Variants in OR5V1 observed in about 807,000 individuals in gnomAD.
The protein encoded by OR5V1 is olfactory receptor 5V1.
For missense variants in OR5V1, 365 were observed against 371.5 expected, an observed-to-expected ratio of 0.98 and a Z score of 0.14; for synonymous variants, 134 against 143.2, an observed-to-expected ratio of 0.94 and a Z score of 0.46.
In OR5V1 at chr6:29,354,306, T is replaced by A. The variant is rs1283747221; in HGVS notation, c.*924A>T. 6.6e-6 allele frequency: 1 copy of A among 152,132 alleles called. No homozygotes were observed. The highest frequency in any genetic ancestry group is 1.5e-5 in the Non-Finnish European group (1 of 67,982). The allele number at this position is 152,132 out of a possible 1,614,324, so 9.4% of individuals were successfully genotyped here. On this transcript the variant is annotated 3_prime_UTR_variant, in exon 2 of 2. Coordinates refer to ENST00000641768, the MANE Select transcript of OR5V1 (RefSeq NM_030876.6). Reference sequence around the variant, plus strand: ...TATTTCTCTCTTCCACCACTTAGTCTTCCTTCCCATTTGTCTTGACTTCAT... The same window carrying A: ...TATTTCTCTCTTCCACCACTTAGTCATCCTTCCCATTTGTCTTGACTTCAT...
chr6:29,363,901 T>C (rs1248728403), intron 1 of OR5V1, among the ~76,000 whole-genome samples: 3 of 152,296 alleles, frequency 2.0e-5, no homozygotes, highest in Non-Finnish European at 2.9e-5. Context: ...AAGGATGCCC[T>C]CTCTCACCAC....
At chr6:29,368,190 C>T (rs1397075554) in intron 1 of OR5V1, among the ~76,000 whole-genome samples, 2 of 152,158 alleles carry the variant, frequency 1.3e-5, no homozygotes, top group Non-Finnish European at 2.9e-5. Flanking sequence ...ACGTGAAAAT[C>T]AGTGTGGCTA....
intron 1 of OR5V1, among the ~76,000 whole-genome samples, chr6:29,357,534 A>G (rs1209370685): frequency 6.6e-6 from 1 of 152,166 alleles, no homozygotes; most frequent in Non-Finnish European, 1.5e-5. Context: ...ACTGGTTACA[A>G]ATTGTTATGA....
At position 29,355,343 on chromosome 6, in the gene OR5V1, G is replaced by A; in HGVS notation, c.853C>T (p.Leu285=). ...CTCAATGTGTAAATTATAGGGTTTA[G>A]CATGGGGGTAACAACACTGTACAAC... The part of the protein sequence containing the change: ...SVLYSVVTPM[L]NPIIYTLRNK... Residue 285 remains leucine, a synonymous_variant, in exon 2 of 2, where the codon CTA becomes TTA. Coordinates refer to ENST00000641768, the MANE Select transcript of OR5V1 (RefSeq NM_030876.6). 1 of 1,613,966 alleles carries A rather than the reference G, an allele frequency of 6.2e-7. No homozygotes were observed. Among genetic ancestry groups the A allele is most frequent in the Non-Finnish European group, 8.5e-7 (1 of 1,179,880 alleles).
chr6:29,361,331 G>C (rs1190792800), intron 1 of OR5V1, among the ~76,000 whole-genome samples: 1 of 152,112 alleles, frequency 6.6e-6, no homozygotes, highest in Non-Finnish European at 1.5e-5. Flanking sequence ...GTAACATGGA[G>C]AATGAGACCA....
Position 29,355,666 on chromosome 6 carries a change from A to C in OR5V1, c.530T>G (p.Phe177Cys). ...CAGCAAAGGGGGGATGTCACAGAAG[A>C]AGTAATTAATCTGATTGTTGCCACA... ...PFCGNNQINY[F>C]FCDIPPLLIL... Residue 177 changes from phenylalanine to cysteine, a missense_variant, in exon 2 of 2, where the codon TTC (phenylalanine) becomes TGC (cysteine). By Grantham distance (205) the Phe-to-Cys change is radical. Coordinates refer to ENST00000641768, the MANE Select transcript of OR5V1 (RefSeq NM_030876.6). 1 of 1,614,056 alleles carries C rather than the reference A, an allele frequency of 6.2e-7. No homozygotes were observed. The highest frequency in any genetic ancestry group is 8.5e-7 in the Non-Finnish European group (1 of 1,179,940).
At chr6:29,360,779 A>G (rs1017733487) in intron 1 of OR5V1, among the ~76,000 whole-genome samples, 2 of 152,200 alleles carry the variant, frequency 1.3e-5, no homozygotes, top group Non-Finnish European at 2.9e-5. Context: ...AAGGTCATCA[A>G]CCTCAAAGAT....
At chr6:29,368,246 T>C (rs1778954087) in intron 1 of OR5V1, among the ~76,000 whole-genome samples, 1 of 152,226 alleles carries the variant, frequency 6.6e-6, no homozygotes, top group Non-Finnish European at 1.5e-5. Context: ...TAGATCCACA[T>C]GAAAGATGGT....
rs1271937497 is a variant in OR5V1, at chr6:29,353,839, G to A, written c.*1391C>T. 6.6e-6 allele frequency: 1 copy of A among 152,042 alleles called. No individual in the cohort carries two copies. The highest frequency in any genetic ancestry group is 2.4e-5 in the African/African-American group (1 of 41,444). 9.4% of individuals were successfully genotyped at this position (152,042 alleles called of 1,614,324 possible). On this transcript the variant is annotated 3_prime_UTR_variant, in exon 2 of 2. Coordinates refer to ENST00000641768, the MANE Select transcript of OR5V1 (RefSeq NM_030876.6). ...AAGTAGGTAGTACTTAGATTTTATA[G>A]ACAGTGGTTACAAATATATTTAGTT...
chr6:29,355,592 T>A lies in OR5V1; in HGVS notation c.604A>T (p.Thr202Ser), dbSNP rs1320696239. 6.2e-7 allele frequency: 1 copy of A among 1,613,818 alleles called. No individual in the cohort carries two copies. The highest frequency in any genetic ancestry group is 2.2e-5 in the East Asian group (1 of 44,890). ...GGAGTCCAACCAATGAAGACCCCAG[T>A]GGATAGCAGTGCCAACTCATTGACA... ...TSVNELALLS[T>S]GVFIGWTPFL... Residue 202 changes from threonine (T) to serine (S), a missense_variant, in exon 2 of 2, where the codon ACT (threonine) becomes TCT (serine). By Grantham distance (58) the Thr-to-Ser change is moderately conservative (BLOSUM62 1). Coordinates refer to ENST00000641768, the MANE Select transcript of OR5V1 (RefSeq NM_030876.6).
chr6:29,359,390 T>G (rs1413236620), intron 1 of OR5V1, among the ~76,000 whole-genome samples: 1 of 152,148 alleles, frequency 6.6e-6, no homozygotes, highest in Non-Finnish European at 1.5e-5. Flanking sequence ...GTTATTGGGT[T>G]TTACATTTCA....
At chr6:29,366,618 A>C (rs983488332) in intron 1 of OR5V1, among the ~76,000 whole-genome samples, 2 of 101,242 alleles carry the variant, frequency 2.0e-5, no homozygotes, top group Non-Finnish European at 3.9e-5. Context: ...TATGAGACTA[A>C]GAAGGAGAAG....
rs1778175253 is a variant in OR5V1 at position 29,354,823 on chromosome 6, G to A, written c.*407C>T. The A allele has an allele frequency of 1.3e-5, 2 of 156,312 alleles. No individual in the cohort carries two copies. The highest frequency in any genetic ancestry group is 2.4e-5 in the African/African-American group (1 of 41,570). The allele number at this position is 156,312 out of a possible 1,614,324, so 9.7% of individuals were successfully genotyped here. A position where few individuals can be genotyped will look rare whatever the true frequency, so the allele number is the denominator to read the frequency against. On this transcript the variant is annotated 3_prime_UTR_variant, in exon 2 of 2. Coordinates refer to ENST00000641768, the MANE Select transcript of OR5V1 (RefSeq NM_030876.6). The stretch of plus-strand genomic sequence containing the variant: ...AAGAAGGGCCTACTAAAGAAAGAAA[G>A]GTCAAAAGCATGGCTTAAGTAGTAA...
chr6:29,357,418 A>G (rs1286835484), intron 1 of OR5V1, among the ~76,000 whole-genome samples: 1 of 152,180 alleles, frequency 6.6e-6, no homozygotes, highest in Admixed American at 6.5e-5. Context: ...CTTTCAGTTG[A>G]GTGGCTAAAA....
chr6:29,367,978 G>A (rs1394152913), intron 1 of OR5V1, among the ~76,000 whole-genome samples: 1 of 152,162 alleles, frequency 6.6e-6, no homozygotes, highest in African/African-American at 2.4e-5. Flanking sequence ...GAACCCACAA[G>A]GAGAGGCCCC....
chr6:29,364,517 G>GAGGCATCAT (rs1229133093), intron 1 of OR5V1, among the ~76,000 whole-genome samples: 76 of 89,942 alleles, frequency 8.4e-4, no homozygotes, highest in East Asian at 2.3e-3. Context: ...AACAAAGCTG[G>GAGGCATCAT]GCCGGGCGCG....
chr6:29,355,365 C>G lies in OR5V1; in HGVS notation c.831G>C (p.Leu277Phe). The G allele has an allele frequency of 6.2e-7, 1 of 1,613,968 alleles. No homozygotes were observed. The highest frequency in any genetic ancestry group is 8.5e-7 in the Non-Finnish European group (1 of 1,179,892). The part of the protein sequence containing the change: ...SLKKDRLVSV[L>F]YSVVTPMLNP... ...TTAGCATGGGGGTAACAACACTGTA[C>G]AACACTGAAACCAACCTATCTTTCT... The change falls in exon 2 of 2, where the codon TTG becomes TTC. Residue 277 changes from leucine to phenylalanine, a missense_variant. By Grantham distance (22) the Leu-to-Phe change is conservative. Transcript: ENST00000641768.
At chr6:29,365,194 C>A (rs1778789970) in intron 1 of OR5V1, among the ~76,000 whole-genome samples, 1 of 152,064 alleles carries the variant, frequency 6.6e-6, no homozygotes, top group South Asian at 2.1e-4. Flanking sequence ...CCCATACAAA[C>A]CCTAGAAGAA....
chr6:29,355,099 C>T lies in OR5V1; in HGVS notation c.*131G>A. The T allele has an allele frequency of 1.3e-6, 1 of 785,778 alleles. No individual in the cohort carries two copies. Among genetic ancestry groups the T allele is most frequent in the Non-Finnish European group, 1.9e-6 (1 of 513,928 alleles). 48.7% of individuals were successfully genotyped at this position (785,778 alleles called of 1,614,324 possible). A position where few individuals can be genotyped will look rare whatever the true frequency, so the allele number is the denominator to read the frequency against. On this transcript the variant is annotated 3_prime_UTR_variant, in exon 2 of 2. Transcript: ENST00000641768. ...ACTAACTAAAGCTCAAGAATAAGTA[C>T]ACTTAGACTGGAGTGTATCAACTCT...
Sources: allele counts gnomAD v4.1 joint callset (sites outside exome capture counted in the v4.1 genomes callset), GRCh38; gene constraint gnomAD v4.1.1; transcripts MANE v1.5; gene names NCBI Gene and HGNC (gene_info 2026-07-23, HGNC 2026-07-21).